The following PPM1L variants were observed in gnomAD, a reference collection of about 807,000 sequenced individuals.
The protein encoded by PPM1L is protein phosphatase 1L.
In PPM1L, 13 loss-of-function variants were observed where a neutral mutation model predicts 31.4. The ratio of observed to expected loss-of-function variants is 0.41; its 90% CI spans 0.27 to 0.66. PPM1L has a LOEUF of 0.66. Among genes scored for constraint, PPM1L ranks in the 30% least tolerant of loss-of-function variants. PPM1L has a pLI of 0.29. For synonymous variants in PPM1L, 184 were observed against 175.4 expected (o/e 1.05, Z -0.39); for missense variants, 326 against 453.7 (o/e 0.72, Z 2.56).
chr3:161,059,337 G>A (rs570242182), intron 2 of PPM1L, among the ~76,000 whole-genome samples: 1 of 152,266 alleles, frequency 6.6e-6, no homozygotes, highest in East Asian at 1.9e-4. Flanking sequence ...TACCAGGAGT[G>A]AGCATGGGAG....
intron 1 of PPM1L, among the ~76,000 whole-genome samples, chr3:160,929,633 T>G (rs1714716909): frequency 6.6e-6 from 1 of 152,228 alleles, no homozygotes; most frequent in South Asian, 2.1e-4. Flanking sequence ...CTTCATTTTA[T>G]TTACTTGTAG....
chr3:160,756,443 G>A lies in PPM1L; in HGVS notation c.135G>A (p.Val45=). Residue 45 remains valine, a synonymous_variant, in exon 1 of 4, where the codon GTG becomes GTA. Coordinates refer to ENST00000498165, the MANE Select transcript of PPM1L (RefSeq NM_139245.4). This position sits in a 1 kb window ranked among gnomAD's most constrained non-coding sequence, Gnocchi z 6.2. ...GTTACTTCTTCCACACCGACGAGGT[G>A]AAGACCATCGTGAAGTCCAGCCGGG... ...LWSYFFHTDE[V]KTIVKSSRDA... is the part of the protein sequence containing the mutation. The A allele has an allele frequency of 6.2e-7, 1 of 1,614,216 alleles. No homozygotes were observed. Among genetic ancestry groups the A allele is most frequent in the African/African-American group, 1.3e-5 (1 of 75,054 alleles).
intron 1 of PPM1L, among the ~76,000 whole-genome samples, chr3:160,765,175 T>G (rs1715074491): frequency 6.6e-6 from 1 of 152,174 alleles, no homozygotes; most frequent in Non-Finnish European, 1.5e-5. Flanking sequence ...GTGTAGAAAT[T>G]AAGGCACTGA....
rs1237303203 is a variant in PPM1L at position 160,756,808 on chromosome 3, G to A, written c.399+101G>A. The A allele has an allele frequency of 1.6e-6, 2 of 1,215,434 alleles. No homozygotes were observed. The highest frequency in any genetic ancestry group is 3.2e-5 in the African/African-American group (2 of 63,398). The allele number at this position is 1,215,434 out of a possible 1,614,324, so 75.3% of individuals were successfully genotyped here. ...GTGTGTGTATAAACAACAGGACAGC[G>A]TGTGCGCAGCGGGAGAGGATCTGGG... On this transcript the variant is annotated intron_variant, in intron 1 of 3. Transcript: ENST00000498165. This position sits in a 1 kb window ranked among gnomAD's most constrained non-coding sequence, Gnocchi z 6.2.
intron 2 of PPM1L, among the ~76,000 whole-genome samples, chr3:161,024,088 C>A (rs1311624913): frequency 1.3e-5 from 2 of 151,704 alleles, no homozygotes; most frequent in African/African-American, 4.8e-5. Flanking sequence ...GCTAGCGTGG[C>A]CAACATGGTG....
intron 1 of PPM1L, among the ~76,000 whole-genome samples, chr3:160,953,713 T>C (rs1244901119): frequency 1.3e-5 from 2 of 152,156 alleles, no homozygotes; most frequent in African/African-American, 2.4e-5. Flanking sequence ...CTCACAGAGA[T>C]TTTGGAGGGG....
intron 1 of PPM1L, among the ~76,000 whole-genome samples, chr3:160,866,734 A>G (rs1030856993): frequency 1.3e-4 from 20 of 152,226 alleles, no homozygotes; most frequent in African/African-American, 4.8e-4. Context: ...TAGATGCTTT[A>G]TTTATGAAAT....
chr3:160,952,046 A>G (rs1715590840), intron 1 of PPM1L, among the ~76,000 whole-genome samples: 1 of 152,228 alleles, frequency 6.6e-6, no homozygotes, highest in South Asian at 2.1e-4. Context: ...TGAATTCAGG[A>G]GTGCAAGACG....
intron 1 of PPM1L, among the ~76,000 whole-genome samples, chr3:160,924,042 A>G (rs768264376): frequency 6.6e-5 from 10 of 152,256 alleles, no homozygotes; most frequent in Non-Finnish European, 1.3e-4. Context: ...CAAAAACAGT[A>G]CAACAAATGT....
intron 1 of PPM1L, among the ~76,000 whole-genome samples, chr3:160,807,011 GACCAGTT>G (rs1712623932): frequency 6.6e-6 from 1 of 152,126 alleles, no homozygotes; most frequent in Non-Finnish European, 1.5e-5. Context: ...GCCACGTCTA[GACCAGTT>G]ACATCAGAAT....
At chr3:160,769,416 A>T (rs113019552) in intron 1 of PPM1L, among the ~76,000 whole-genome samples, 2,521 of 152,268 alleles carry the variant, frequency 0.017, 66 homozygotes, top group African/African-American at 0.057. Context: ...GGATTGTCTT[A>T]GGGATGGTTT....
intron 1 of PPM1L, among the ~76,000 whole-genome samples, chr3:160,835,848 A>G (rs1713698462): frequency 6.6e-6 from 1 of 152,108 alleles, no homozygotes. Context: ...TTAGAGACAA[A>G]TCTTTTCTCC....
intron 2 of PPM1L, among the ~76,000 whole-genome samples, chr3:161,051,403 C>CACACAA (rs1491153188): frequency 6.1e-5 from 9 of 147,934 alleles, no homozygotes; most frequent in African/African-American, 2.2e-4. Context: ...CACACACACA[C>CACACAA]AACCATCCTG....
chr3:160,776,299 A>G (rs1406829448), intron 1 of PPM1L, among the ~76,000 whole-genome samples: 3 of 152,102 alleles, frequency 2.0e-5, no homozygotes, highest in Non-Finnish European at 4.4e-5. Flanking sequence ...TCCATGGGAA[A>G]CAGAAGTTGC....
At chr3:160,820,678 A>T (rs576715396) in intron 1 of PPM1L, among the ~76,000 whole-genome samples, 1 of 152,070 alleles carries the variant, frequency 6.6e-6, no homozygotes, top group Non-Finnish European at 1.5e-5. Flanking sequence ...GTTTAGCTCA[A>T]AATTGTTTGT....
At chr3:161,004,230 G>A (rs1167570161) in intron 2 of PPM1L, among the ~76,000 whole-genome samples, 2 of 147,428 alleles carry the variant, frequency 1.4e-5, no homozygotes, top group African/African-American at 5.1e-5. Flanking sequence ...TGTGCCGCTG[G>A]ATTCGGTTTG....
At position 161,072,051 on chromosome 3, in the gene PPM1L, G is replaced by A. The variant is rs1014864913; in HGVS notation, c.*2894G>A. 2.0e-5 allele frequency: 3 copies of A among 152,226 alleles called. No homozygotes were observed. The highest frequency in any genetic ancestry group is 4.4e-5 in the Non-Finnish European group (3 of 68,042). 9.4% of individuals were successfully genotyped at this position (152,226 alleles called of 1,614,324 possible). A position where few individuals can be genotyped will look rare whatever the true frequency, so the allele number is the denominator to read the frequency against. On this transcript the variant is annotated 3_prime_UTR_variant, in exon 4 of 4. Transcript: ENST00000498165. ...TTCTGAGACCCCAGCACGATGCCAG[G>A]CCCAGGTCTCCATTAATGCAGTGCT...
intron 2 of PPM1L, among the ~76,000 whole-genome samples, chr3:160,973,793 T>TTTTTTTTTTTTTTA (rs1716445660): frequency 7.5e-6 from 1 of 133,194 alleles, no homozygotes; most frequent in Non-Finnish European, 1.6e-5. Flanking sequence ...TTTTTTTTTT[T>TTTTTTTTTTTTTTA]AACCAAGACT....
intron 1 of PPM1L, among the ~76,000 whole-genome samples, chr3:160,820,903 A>AT (rs1300846713): frequency 6.6e-6 from 1 of 152,030 alleles, no homozygotes; most frequent in East Asian, 1.9e-4. Flanking sequence ...TTAAGGATAT[A>AT]TTTTTAAGAG....
Sources: allele counts gnomAD v4.1 joint callset (sites outside exome capture counted in the v4.1 genomes callset), GRCh38; gene constraint gnomAD v4.1.1; non-coding constraint Gnocchi (gnomAD v3.1); transcripts MANE v1.5; gene names NCBI Gene and HGNC (gene_info 2026-07-23, HGNC 2026-07-21).